Variants in OR5AN1 observed in about 807,000 individuals in gnomAD.
OR5AN1 encodes olfactory receptor 5AN1.
For synonymous variants in OR5AN1, 167 were observed against 131.8 expected (o/e 1.27, Z -1.83); for missense variants, 476 against 368.9 (o/e 1.29, Z -2.38).
At chr11:59,363,912 G>A (rs1234643861) in intron 1 of OR5AN1, among the ~76,000 whole-genome samples, 2 of 152,104 alleles carry the variant, frequency 1.3e-5, no homozygotes, top group African/African-American at 2.4e-5. Flanking sequence ...ACAGGTCTGT[G>A]CAACCACGCC....
rs147429534 is a variant in OR5AN1, at chr11:59,364,960, C to G, written c.502C>G (p.His168Asp). Residue 168 changes from histidine (H) to aspartate (D), a missense_variant, in exon 2 of 2, where the codon CAC becomes GAC. Transcript: ENST00000641998. ...LFQIGALLQLHFCGSNVIRHF... is the reference protein window; with the variant it reads ...LFQIGALLQLDFCGSNVIRHF... ...CCAAATTGGTGCTTTGCTTCAACTC[C>G]ACTTCTGTGGGTCTAATGTCATCAG... 1.4e-5 allele frequency: 22 copies of G among 1,614,112 alleles called. No individual in the cohort carries two copies. The African/African-American group carries it at 2.3e-4, about 17-fold the overall frequency.
At chr11:59,363,197 G>T (rs890889338) in intron 1 of OR5AN1, among the ~76,000 whole-genome samples, 7 of 152,202 alleles carry the variant, frequency 4.6e-5, no homozygotes, top group Admixed American at 4.6e-4. Flanking sequence ...AACAATTGCT[G>T]TATACGTAAA....
chr11:59,368,420 G>T lies in OR5AN1; in HGVS notation c.*3026G>T, dbSNP rs1005100755. On this transcript the variant is annotated 3_prime_UTR_variant, in exon 2 of 2. Coordinates refer to ENST00000641998, the MANE Select transcript of OR5AN1 (RefSeq NM_001004729.2). ...ACAGAGCTTCCGAGGTCAACAGAAA[G>T]TTTCTATGCCACTGCCTCTGCAGTG... 1.3e-5 allele frequency: 2 copies of T among 152,372 alleles called. No individual in the cohort carries two copies. Among genetic ancestry groups the T allele is most frequent in the African/African-American group, 2.4e-5 (1 of 41,470 alleles). 9.4% of individuals were successfully genotyped at this position (152,372 alleles called of 1,614,324 possible).
chr11:59,365,071 A>C lies in OR5AN1; in HGVS notation c.613A>C (p.Met205Leu). 1 of 1,614,152 alleles carries C rather than the reference A, an allele frequency of 6.2e-7. No homozygotes were observed. The highest frequency in any genetic ancestry group is 8.5e-7 in the Non-Finnish European group (1 of 1,179,990). ...FVQVMTAILT[M>L]FFGIASALVI... ...ACAGGTCATGACTGCTATATTAACC[A>C]TGTTCTTTGGGATAGCAAGTGCCCT... Residue 205 changes from methionine to leucine, a missense_variant, in exon 2 of 2, where the codon ATG becomes CTG. By Grantham distance (15) the Met-to-Leu change is conservative. Transcript: ENST00000641998.
Position 59,371,227 on chromosome 11 carries a change from T to C in OR5AN1, c.*5833T>C, listed in dbSNP as rs1159981585. ...TGTCCCTGCTTAATATTACATAGAG[T>C]AGCTGGGTCATAATTATTTAATCAG... On this transcript the variant is annotated 3_prime_UTR_variant, in exon 2 of 2. Transcript: ENST00000641998. 1 of 151,844 alleles carries C rather than the reference T, an allele frequency of 6.6e-6. No individual in the cohort carries two copies. The highest frequency in any genetic ancestry group is 2.4e-5 in the African/African-American group (1 of 41,330). 9.4% of individuals were successfully genotyped at this position (151,844 alleles called of 1,614,324 possible).
chr11:59,363,598 T>C (rs1301855293), intron 1 of OR5AN1, among the ~76,000 whole-genome samples: 1 of 152,226 alleles, frequency 6.6e-6, no homozygotes, highest in Non-Finnish European at 1.5e-5. Context: ...GGATATGTTA[T>C]ATTAAATACA....
Position 59,364,923 on chromosome 11 carries a change from T to G in OR5AN1, c.465T>G (p.Thr155=), listed in dbSNP as rs377220095. The G allele has an allele frequency of 1.5e-5, 25 of 1,614,148 alleles. No individual in the cohort carries two copies. The highest frequency in any genetic ancestry group is 1.9e-5 in the Non-Finnish European group (23 of 1,179,994). The part of the protein sequence containing the change: ...MVLGAYMTGL[T]ASLFQIGALL... The stretch of plus-strand genomic sequence containing the variant: ...TGGGAGCCTACATGACTGGCCTCAC[T>G]GCTTCTTTATTCCAAATTGGTGCTT... The change falls in exon 2 of 2, where the codon ACT becomes ACG. Residue 155 remains threonine, a synonymous_variant. Coordinates refer to ENST00000641998, the MANE Select transcript of OR5AN1 (RefSeq NM_001004729.2).
intron 1 of OR5AN1, chr11:59,360,149 G>T (rs1857447853): frequency 6.6e-6 from 1 of 152,074 alleles, no homozygotes; most frequent in Non-Finnish European, 1.5e-5. Context: ...ACAACTCCTT[G>T]TTCTTTACTG....
Position 59,365,096 on chromosome 11 carries a change from T to C in OR5AN1, c.638T>C (p.Leu213Pro). 1 of 1,614,182 alleles carries C rather than the reference T, an allele frequency of 6.2e-7. No homozygotes were observed. The highest frequency in any genetic ancestry group is 8.5e-7 in the Non-Finnish European group (1 of 1,180,014). ...ATGTTCTTTGGGATAGCAAGTGCCC[T>C]AGTTATCATGATATCCTATGGCTAT... ...LTMFFGIASALVIMISYGYIG... is the reference protein window; with the variant it reads ...LTMFFGIASAPVIMISYGYIG... The change falls in exon 2 of 2, where the codon CTA becomes CCA. Residue 213 changes from leucine to proline, a missense_variant. Leu to Pro is a moderately conservative substitution (Grantham distance 98, BLOSUM62 -3). Coordinates refer to ENST00000641998, the MANE Select transcript of OR5AN1 (RefSeq NM_001004729.2).
intron 1 of OR5AN1, among the ~76,000 whole-genome samples, chr11:59,361,313 G>A (rs1251319390): frequency 6.6e-6 from 1 of 151,972 alleles, no homozygotes; most frequent in Non-Finnish European, 1.5e-5. Context: ...GAGGAGTCTC[G>A]CTCTGTTGCC....
rs936071972 is a variant in OR5AN1 at position 59,367,204 on chromosome 11, G to A, written c.*1810G>A. The stretch of plus-strand genomic sequence containing the variant: ...AGATGGCTGACCAGAAGCAGCTAGT[G>A]TGTGTGGCTGTCATGGAAAGGAACA... On this transcript the variant is annotated 3_prime_UTR_variant, in exon 2 of 2. Transcript: ENST00000641998. 5 of 152,198 alleles carry A rather than the reference G, an allele frequency of 3.3e-5. No homozygotes were observed. Among genetic ancestry groups the A allele is most frequent in the African/African-American group, 9.7e-5 (4 of 41,442 alleles). The allele number at this position is 152,198 out of a possible 1,614,324, so 9.4% of individuals were successfully genotyped here. A position where few individuals can be genotyped will look rare whatever the true frequency, so the allele number is the denominator to read the frequency against.
intron 1 of OR5AN1, 98 bp from the exon 2 acceptor site, chr11:59,364,348 G>A (rs1857497848): frequency 5.6e-6 from 4 of 716,720 alleles, no homozygotes; most frequent in Non-Finnish European, 6.8e-6. Flanking sequence ...TCCATTTCCA[G>A]TGCTTGTTGG....
chr11:59,365,486 A>T lies in OR5AN1; in HGVS notation c.*92A>T, dbSNP rs1857521028. 3 of 768,912 alleles carry T rather than the reference A, an allele frequency of 3.9e-6. No homozygotes were observed. Among genetic ancestry groups the T allele is most frequent in the Non-Finnish European group, 6.2e-6 (3 of 487,094 alleles). The allele number at this position is 768,912 out of a possible 1,614,324, so 47.6% of individuals were successfully genotyped here. ...TAATGAATGGACTATAACAAAATTC[A>T]TGCTGCCTACTGCCTTTGGACAAAG... On this transcript the variant is annotated 3_prime_UTR_variant, in exon 2 of 2. Coordinates refer to ENST00000641998, the MANE Select transcript of OR5AN1 (RefSeq NM_001004729.2).
chr11:59,360,743 G>A (rs1300473025), intron 1 of OR5AN1, among the ~76,000 whole-genome samples: 3 of 152,160 alleles, frequency 2.0e-5, no homozygotes, highest in African/African-American at 7.2e-5. Context: ...GTTTGCTGAG[G>A]ATGATGGCTT....
Position 59,364,503 on chromosome 11 carries a change from G to A in OR5AN1, c.45G>A (p.Leu15=), listed in dbSNP as rs747858275. ...TTACAGAAATCACCTATTTCATCCTGCTGGGATTCTCAGATTTTCCCAGGA... is the reference window on the plus strand; with the variant it reads ...TTACAGAAATCACCTATTTCATCCTACTGGGATTCTCAGATTTTCCCAGGA... ...GNITEITYFI[L]LGFSDFPRII... is the part of the protein sequence containing the mutation. The change falls in exon 2 of 2, where the codon CTG becomes CTA. Residue 15 remains leucine (L), a synonymous_variant. Coordinates refer to ENST00000641998, the MANE Select transcript of OR5AN1 (RefSeq NM_001004729.2). 7 of 1,613,506 alleles carry A rather than the reference G, an allele frequency of 4.3e-6. No individual in the cohort carries two copies. The highest frequency in any genetic ancestry group is 3.3e-5 in the Admixed American group (2 of 59,980).
chr11:59,359,753 A>G (rs575853569), intron 1 of OR5AN1: 2 of 152,212 alleles, frequency 1.3e-5, no homozygotes, highest in Non-Finnish European at 2.9e-5. Flanking sequence ...CAACACAGAT[A>G]TCAGAGATAC....
rs1857537969 is a variant in OR5AN1, at chr11:59,366,673, C to G, written c.*1279C>G. 1 of 152,170 alleles carries G rather than the reference C, an allele frequency of 6.6e-6. No homozygotes were observed. The highest frequency in any genetic ancestry group is 2.1e-4 in the South Asian group (1 of 4,832). 9.4% of individuals were successfully genotyped at this position (152,170 alleles called of 1,614,324 possible). ...TTTGTAAAATTGAGATATTATATAT[C>G]TATTTTGGAGTTGTTTAGGATTATT... On this transcript the variant is annotated 3_prime_UTR_variant, in exon 2 of 2. Coordinates refer to ENST00000641998, the MANE Select transcript of OR5AN1 (RefSeq NM_001004729.2).
Position 59,362,584 on chromosome 11 carries a change from CT to C in OR5AN1, c.-13-1857del, listed in dbSNP as rs201671286. On this transcript the variant is annotated intron_variant, in intron 1 of 1. Transcript: ENST00000641998. ...TAATGAATTATCAATGTTCAAAATA[CT>C]TTTTAATATCTGAAAGTTAAAATCC... Among the ~76,000 whole-genome samples, 1,055 of 152,210 alleles carry C rather than the reference CT, an allele frequency of 6.9e-3. 16 individuals carry two copies. Among genetic ancestry groups the C allele is most frequent in the African/African-American group, 0.024 (979 of 41,516 alleles).
Position 59,371,205 on chromosome 11 carries a change from C to T in OR5AN1, c.*5811C>T, listed in dbSNP as rs1001993244. On this transcript the variant is annotated 3_prime_UTR_variant, in exon 2 of 2. Coordinates refer to ENST00000641998, the MANE Select transcript of OR5AN1 (RefSeq NM_001004729.2). ...AACATTTTTAATGTTTGCATAGTGT[C>T]CCTGCTTAATATTACATAGAGTAGC... The T allele has an allele frequency of 1.3e-5, 2 of 151,996 alleles. No individual in the cohort carries two copies. Among genetic ancestry groups the T allele is most frequent in the Middle Eastern group, 3.4e-3 (1 of 294 alleles). 9.4% of individuals were successfully genotyped at this position (151,996 alleles called of 1,614,324 possible).
Sources: gnomAD v4.1 joint callset for allele counts (sites outside exome capture counted in the v4.1 genomes callset) on GRCh38, gnomAD v4.1.1 for gene constraint, MANE v1.5 for transcripts, NCBI Gene and HGNC (gene_info 2026-07-23, HGNC 2026-07-21) for gene names.